SEM1: variants seen among roughly 807,000 people sequenced by gnomAD.
SEM1 encodes the protein 26S proteasome complex subunit SEM1.
Under a neutral mutation model 12.7 loss-of-function variants are expected in SEM1, and 3 were observed. The ratio of observed to expected loss-of-function variants is 0.24; its 90% CI spans 0.11 to 0.61. The LOEUF (loss-of-function observed/expected upper bound fraction) is 0.61. Ranked by LOEUF, SEM1 falls within the 20% of genes least tolerant of loss-of-function variation. The pLI, the probability that SEM1 is intolerant of heterozygous loss-of-function variation, is 0.88. For missense variants in SEM1, 59 were observed against 81.3 expected, an observed-to-expected ratio of 0.73 and a Z score of 1.06; for synonymous variants, 30 against 27.8, an observed-to-expected ratio of 1.08 and a Z score of -0.25.
At chr7:96,537,824 C>T (rs755055575) in intron 2 of SEM1, among the ~76,000 whole-genome samples, 10 of 151,402 alleles carry the variant, frequency 6.6e-5, no homozygotes, top group Non-Finnish European at 1.2e-4. Context: ...TTTGGTGTCT[C>T]ATTAATTTTG....
At chr7:96,701,281 T>C (rs1190762123) in intron 1 of SEM1, among the ~76,000 whole-genome samples, 1 of 151,700 alleles carries the variant, frequency 6.6e-6, no homozygotes, top group East Asian at 1.9e-4. Context: ...GAAGCCCTCA[T>C]CCTCAATATG....
chr7:96,657,296 T>C (rs533214163), intron 2 of SEM1, among the ~76,000 whole-genome samples: 1 of 152,214 alleles, frequency 6.6e-6, no homozygotes, highest in African/African-American at 2.4e-5. Flanking sequence ...GCAGTTTCTA[T>C]TGTAGACACA....
At chr7:96,496,246 A>G (rs76658849) in intron 1 of SEM1, 2 of 1,368,266 alleles carry the variant, frequency 1.5e-6, no homozygotes, top group Non-Finnish European at 2.0e-6. Context: ...TATATTTAAT[A>G]AAAGCCACAT....
chr7:96,530,977 G>A (rs991960622), intron 2 of SEM1, among the ~76,000 whole-genome samples: 18 of 152,024 alleles, frequency 1.2e-4, no homozygotes, highest in Admixed American at 2.0e-4. Flanking sequence ...TTAGTCAGGC[G>A]CCATGCCCAA....
At chr7:96,702,136 G>C (rs1279992873) in intron 1 of SEM1, among the ~76,000 whole-genome samples, 7 of 152,110 alleles carry the variant, frequency 4.6e-5, no homozygotes, top group African/African-American at 1.4e-4. Context: ...ATGGAAGCCA[G>C]GTTTCTCACT....
At chr7:96,596,585 G>T (rs370194271) in intron 2 of SEM1, among the ~76,000 whole-genome samples, 1 of 152,104 alleles carries the variant, frequency 6.6e-6, no homozygotes, top group Admixed American at 6.5e-5. Flanking sequence ...CAAATTAAAA[G>T]TGGTTACCCG....
At chr7:96,590,874 G>A (rs909747034) in intron 2 of SEM1, among the ~76,000 whole-genome samples, 5 of 152,084 alleles carry the variant, frequency 3.3e-5, no homozygotes, top group African/African-American at 4.8e-5. Flanking sequence ...AGGGAGGGTC[G>A]GGGTTACAAA....
chr7:96,605,084 TTAAA>T (rs1807306127), intron 2 of SEM1, among the ~76,000 whole-genome samples: 1 of 152,168 alleles, frequency 6.6e-6, no homozygotes, highest in Admixed American at 6.5e-5. Context: ...GTTATGTGGA[TTAAA>T]TAAGTTAACA....
intron 2 of SEM1, among the ~76,000 whole-genome samples, chr7:96,690,673 G>A (rs1349004402): frequency 6.6e-6 from 1 of 152,130 alleles, no homozygotes; most frequent in Non-Finnish European, 1.5e-5. Context: ...AAAGACTAAT[G>A]GCCACTAGTA....
intron 2 of SEM1, among the ~76,000 whole-genome samples, chr7:96,485,215 C>G (rs1802704230): frequency 6.6e-6 from 1 of 152,148 alleles, no homozygotes; most frequent in Non-Finnish European, 1.5e-5. Context: ...AACCCATTAC[C>G]AACTATATTG....
chr7:96,585,354 C>A lies in SEM1; in HGVS notation c.171-78656G>T, dbSNP rs1472249692. On this transcript the variant is annotated intron_variant and NMD_transcript_variant, in intron 2 of 3. Coordinates refer to the SEM1 transcript ENST00000466986. ...AGATCCCAGCTTCGTGCTGGGAGAA[C>A]CACTGCTCTCTTTAAAGCTGTCAGA... Among the ~76,000 whole-genome samples, 5 of 152,340 alleles carry A rather than the reference C, an allele frequency of 3.3e-5. No homozygotes were observed. In the East Asian group the frequency reaches 7.7e-4, roughly 24 times the overall value.
intron 2 of SEM1, among the ~76,000 whole-genome samples, chr7:96,682,176 GCT>G (rs750595824): frequency 2.0e-5 from 3 of 151,588 alleles, no homozygotes; most frequent in East Asian, 1.9e-4. Context: ...TCATGATTTC[GCT>G]CTCTTTTTGT....
intron 1 of SEM1, among the ~76,000 whole-genome samples, chr7:96,492,577 T>A (rs2117226557): frequency 1.4e-5 from 2 of 138,036 alleles, no homozygotes; most frequent in South Asian, 2.4e-4. Flanking sequence ...GCCCGACTAA[T>A]TTTTTGTATT....
chr7:96,567,768 A>T (rs1056000196), intron 2 of SEM1, among the ~76,000 whole-genome samples: 2 of 151,594 alleles, frequency 1.3e-5, no homozygotes, highest in Non-Finnish European at 3.0e-5. Flanking sequence ...TTCTCTTCTG[A>T]TATAATAGAA....
chr7:96,606,204 G>A (rs1807373265), intron 2 of SEM1, among the ~76,000 whole-genome samples: 1 of 152,160 alleles, frequency 6.6e-6, no homozygotes, highest in East Asian at 1.9e-4. Context: ...TATACATAGG[G>A]TTCAAAACTG....
chr7:96,679,283 A>T (rs981208227), intron 2 of SEM1, among the ~76,000 whole-genome samples: 1 of 152,150 alleles, frequency 6.6e-6, no homozygotes, highest in African/African-American at 2.4e-5. Context: ...TATCCTGTCC[A>T]TTCCACTACT....
chr7:96,567,696 A>T (rs1805886481), intron 2 of SEM1, among the ~76,000 whole-genome samples: 1 of 151,512 alleles, frequency 6.6e-6, no homozygotes, highest in East Asian at 1.9e-4. Context: ...GTCTTTTAAA[A>T]CCAACAATGG....
At chr7:96,544,724 T>C (rs1805055419) in intron 2 of SEM1, among the ~76,000 whole-genome samples, 1 of 151,976 alleles carries the variant, frequency 6.6e-6, no homozygotes, top group African/African-American at 2.4e-5. Context: ...ACACATATTT[T>C]ATATATGTAT....
chr7:96,501,446 A>C (rs1251302845), intron 3 of SEM1, among the ~76,000 whole-genome samples: 47 of 152,004 alleles, frequency 3.1e-4, no homozygotes, highest in Admixed American at 3.1e-3. Context: ...TCACACACAC[A>C]CAAAAAAACC....
Sources: gnomAD v4.1 joint callset for allele counts (sites outside exome capture counted in the v4.1 genomes callset) on GRCh38, gnomAD v4.1.1 for gene constraint, MANE v1.5 for transcripts, NCBI Gene and HGNC (gene_info 2026-07-23, HGNC 2026-07-21) for gene names.